The following LEPR variants were observed in gnomAD, a reference collection of about 807,000 sequenced individuals.
LEPR encodes leptin receptor, also known as OB receptor.
In LEPR, 56 loss-of-function variants were observed where a neutral mutation model predicts 114.7. The observed-to-expected ratio is 0.49, with a 90% CI of 0.39 to 0.61. LEPR has a LOEUF of 0.61. Among genes scored for constraint, LEPR ranks in the 20% least tolerant of loss-of-function variants. The probability of loss-of-function intolerance (pLI) is 0.00; values close to 1 mark genes in which losing one functional copy is unlikely to be tolerated. For synonymous variants in LEPR, 443 were observed against 461.4 expected (o/e 0.96, Z 0.51); for missense variants, 1,202 against 1,352.9 (o/e 0.89, Z 1.75).
At position 65,601,826 on chromosome 1, in the gene LEPR, T is replaced by C; in HGVS notation, c.1286-17T>C. On this transcript the variant is annotated splice_polypyrimidine_tract_variant and intron_variant, in intron 9 of 19. Transcript: ENST00000349533. ...GAGTTTTTGCTTTATATTAATATTT[T>C]AATATGTTTCAAATAGATGTCAATA... The C allele has an allele frequency of 6.2e-7, 1 of 1,602,260 alleles. No homozygotes were observed. Among genetic ancestry groups the C allele is most frequent in the Non-Finnish European group, 8.5e-7 (1 of 1,172,308 alleles).
chr1:65,427,425 G>A (rs1646401001), intron 2 of LEPR, among the ~76,000 whole-genome samples: 2 of 152,148 alleles, frequency 1.3e-5, no homozygotes, highest in African/African-American at 4.8e-5. Context: ...ACTAAAATAA[G>A]CCAGGCATGG....
intron 2 of LEPR, among the ~76,000 whole-genome samples, chr1:65,521,172 C>A (rs778468880): frequency 5.9e-5 from 9 of 152,222 alleles, no homozygotes; most frequent in Non-Finnish European, 1.3e-4. Context: ...AGAAATAACT[C>A]CAAGAACAGT....
chr1:65,477,130 A>T (rs1367878863), intron 2 of LEPR, among the ~76,000 whole-genome samples: 2 of 152,216 alleles, frequency 1.3e-5, no homozygotes, highest in Non-Finnish European at 2.9e-5. Flanking sequence ...TAGGATAGGT[A>T]TCACCTTATC....
At chr1:65,551,861 C>G (rs1174719244) in intron 2 of LEPR, among the ~76,000 whole-genome samples, 2 of 152,166 alleles carry the variant, frequency 1.3e-5, no homozygotes, top group Non-Finnish European at 2.9e-5. Flanking sequence ...AAATTTCCCT[C>G]TAAACACCGC....
In LEPR at chr1:65,518,855, TTTTCTTTCTTTCTTTC is replaced by T. The variant is rs796456090; in HGVS notation, c.-20-46687_-20-46672del. ...AGCTTTTTTCTTTTTTCTTTTTCTC[TTTTCTTTCTTTCTTTC>T]TTTTTCTTTCTTTCTTTCTTTCTTT... On this transcript the variant is annotated intron_variant, in intron 2 of 19. Transcript: ENST00000349533. Among the ~76,000 whole-genome samples, 11 of 144,432 alleles carry T rather than the reference TTTTCTTTCTTTCTTTC, an allele frequency of 7.6e-5. 1 individual carries two copies. The highest frequency in any genetic ancestry group is 6.8e-5 in the Admixed American group (1 of 14,720). 94.8% of individuals were successfully genotyped at this position (144,432 alleles called of 152,430 possible).
At chr1:65,634,643 G>A (rs1658650040) in intron 19 of LEPR, 1 of 977,066 alleles carries the variant, frequency 1.0e-6, no homozygotes, top group Non-Finnish European at 1.2e-6. Flanking sequence ...ATTTTAGCAT[G>A]AAATATATCA....
At chr1:65,434,150 G>A (rs1646526296) in intron 2 of LEPR, 1 of 984,360 alleles carries the variant, frequency 1.0e-6, no homozygotes, top group Middle Eastern at 5.2e-4. Flanking sequence ...AGTATTTGAA[G>A]TGATAGATTA....
At chr1:65,427,310 A>G (rs1646397900) in intron 2 of LEPR, among the ~76,000 whole-genome samples, 2 of 152,198 alleles carry the variant, frequency 1.3e-5, no homozygotes, top group Non-Finnish European at 2.9e-5. Context: ...GTGGTGGCTC[A>G]TGCCTATAAT....
At position 65,609,891 on chromosome 1, in the gene LEPR, C is replaced by A; in HGVS notation, c.1753-56C>A. 3 of 1,612,400 alleles carry A rather than the reference C, an allele frequency of 1.9e-6. 1 individual carries two copies. The highest frequency in any genetic ancestry group is 2.5e-6 in the Non-Finnish European group (3 of 1,178,686). ...TTAAAATAAAATGTACTTCAGGGCC[C>A]TTTAGATACATATGTGTTGGTAATG... On this transcript the variant is annotated intron_variant, in intron 12 of 19. Coordinates refer to ENST00000349533, the MANE Select transcript of LEPR (RefSeq NM_002303.6).
At chr1:65,598,974 A>G (rs956866080) in intron 8 of LEPR, among the ~76,000 whole-genome samples, 170 bp downstream of exon 8, 31 of 152,176 alleles carry the variant, frequency 2.0e-4, no homozygotes, top group Admixed American at 2.0e-3. Context: ...AAATTCTGTC[A>G]GAGCCTCTAG....
chr1:65,553,720 A>G (rs1230421461), intron 2 of LEPR, among the ~76,000 whole-genome samples: 3 of 152,102 alleles, frequency 2.0e-5, no homozygotes, highest in East Asian at 1.9e-4. Context: ...ACTTCTGTCA[A>G]TTCATCAAAC....
intron 14 of LEPR, among the ~76,000 whole-genome samples, chr1:65,610,755 T>C (rs1657115890): frequency 6.6e-6 from 1 of 152,240 alleles, no homozygotes; most frequent in African/African-American, 2.4e-5. Context: ...GTCCCATATA[T>C]GATGGCTGTT....
intron 2 of LEPR, among the ~76,000 whole-genome samples, chr1:65,526,901 C>G (rs1650009840): frequency 6.6e-6 from 1 of 152,168 alleles, no homozygotes; most frequent in African/African-American, 2.4e-5. Flanking sequence ...AATCTTGGCA[C>G]TAGTTTATAT....
At chr1:65,516,704 C>G (rs1278094850) in intron 2 of LEPR, among the ~76,000 whole-genome samples, 2 of 152,152 alleles carry the variant, frequency 1.3e-5, no homozygotes, top group Non-Finnish European at 2.9e-5. Flanking sequence ...CAACTCAGTG[C>G]GTAAGAAGGC....
At chr1:65,596,716 A>G in intron 7 of LEPR, 123 bp downstream of exon 7, 2 of 849,778 alleles carry the variant, frequency 2.4e-6, no homozygotes, top group Non-Finnish European at 3.6e-6. Context: ...AATGAATTAT[A>G]ATTCAACATT....
chr1:65,606,917 T>G (rs1363326430), intron 11 of LEPR, among the ~76,000 whole-genome samples: 3 of 152,200 alleles, frequency 2.0e-5, no homozygotes, highest in Non-Finnish European at 1.5e-5. Flanking sequence ...GTTGATTGCT[T>G]AAAAATGATT....
intron 19 of LEPR, chr1:65,634,474 A>T (rs1658644000): frequency 1.1e-6 from 1 of 949,438 alleles, no homozygotes; most frequent in Non-Finnish European, 1.3e-6. Context: ...GAAATTTTTT[A>T]AATGGATATA....
intron 2 of LEPR, among the ~76,000 whole-genome samples, chr1:65,527,329 G>A (rs1235026642): frequency 6.6e-6 from 1 of 152,166 alleles, no homozygotes; most frequent in African/African-American, 2.4e-5. Flanking sequence ...ATGAATCCCA[G>A]AAAATAGCAG....
intron 19 of LEPR, chr1:65,630,148 T>C: frequency 4.7e-6 from 1 of 213,016 alleles, no homozygotes; most frequent in Non-Finnish European, 9.5e-6. Context: ...AGCAGTCAGA[T>C]ACTATTGTGA....
Sources: gnomAD v4.1 joint callset for allele counts (sites outside exome capture counted in the v4.1 genomes callset) on GRCh38, gnomAD v4.1.1 for gene constraint, MANE v1.5 for transcripts, NCBI Gene and HGNC (gene_info 2026-07-23, HGNC 2026-07-21) for gene names.